The following CA10 variants were observed in gnomAD, a reference collection of about 807,000 sequenced individuals.
CA10 encodes carbonic anhydrase 10 (inactive).
CA10 carries 14 observed loss-of-function variants against 44.2 expected under a neutral mutation model. The observed-to-expected ratio is 0.32, with a 90% CI of 0.21 to 0.50. CA10 has a LOEUF of 0.50. Among genes scored for constraint, CA10 ranks in the 20% least tolerant of loss-of-function variants. The pLI, the probability that CA10 is intolerant of heterozygous loss-of-function variation, is 0.99. For missense variants in CA10, 350 were observed against 409.7 expected (o/e 0.85, Z 1.26); for synonymous variants, 159 against 141.6 (o/e 1.12, Z -0.87).
At chr17:51,668,893 C>T (rs1914307047) in intron 4 of CA10, among the ~76,000 whole-genome samples, 1 of 152,222 alleles carries the variant, frequency 6.6e-6, no homozygotes, top group Non-Finnish European at 1.5e-5. Context: ...AGGCCCTGGG[C>T]AGTGAGGGGC....
chr17:51,949,214 C>T (rs1352089335), intron 2 of CA10, among the ~76,000 whole-genome samples: 1 of 152,112 alleles, frequency 6.6e-6, no homozygotes, highest in African/African-American at 2.4e-5. Context: ...ATGTCTTTGT[C>T]ACAATTTGAA....
At chr17:51,984,324 C>T (rs1984754150) in intron 2 of CA10, among the ~76,000 whole-genome samples, 1 of 151,734 alleles carries the variant, frequency 6.6e-6, no homozygotes, top group African/African-American at 2.4e-5. Context: ...AATAATGACA[C>T]AACCTACCAA....
intron 4 of CA10, among the ~76,000 whole-genome samples, chr17:51,726,540 A>G (rs1295486561): frequency 6.6e-6 from 1 of 152,218 alleles, no homozygotes; most frequent in Non-Finnish European, 1.5e-5. Flanking sequence ...AAAACATGTT[A>G]TACACCAAAA....
intron 3 of CA10, among the ~76,000 whole-genome samples, chr17:51,842,143 C>A (rs1361631719): frequency 6.6e-6 from 1 of 152,134 alleles, no homozygotes; most frequent in Non-Finnish European, 1.5e-5. Context: ...AGAGGGCCTA[C>A]CTGAACAAAA....
intron 2 of CA10, among the ~76,000 whole-genome samples, chr17:51,989,479 T>C (rs953144626): frequency 1.3e-5 from 2 of 152,042 alleles, no homozygotes; most frequent in Admixed American, 6.6e-5. Context: ...TATAAATTAT[T>C]CTACTATAAA....
intron 6 of CA10, among the ~76,000 whole-genome samples, chr17:51,641,564 T>G (rs2106334): frequency 0.69 from 105,506 of 151,990 alleles, 36,956 homozygotes; most frequent in South Asian, 0.8. Context: ...TATGTGTGTA[T>G]TTTATCACCC....
intron 3 of CA10, among the ~76,000 whole-genome samples, chr17:51,771,560 G>C (rs1905614513): frequency 6.6e-6 from 1 of 152,146 alleles, no homozygotes; most frequent in South Asian, 2.1e-4. Flanking sequence ...GATTTTCCAT[G>C]AAACTCAGTA....
chr17:51,978,907 G>A (rs1014195112), intron 2 of CA10, among the ~76,000 whole-genome samples: 8 of 152,024 alleles, frequency 5.3e-5, no homozygotes, highest in African/African-American at 1.9e-4. Context: ...CCTTTCCATA[G>A]TAACTCAGTT....
chr17:51,741,516 T>C (rs1453556132), intron 4 of CA10, among the ~76,000 whole-genome samples: 1 of 152,224 alleles, frequency 6.6e-6, no homozygotes, highest in Non-Finnish European at 1.5e-5. Context: ...TGTATATTTC[T>C]GTATAGTGAA....
chr17:52,048,629 A>G (rs1855119802), intron 2 of CA10, among the ~76,000 whole-genome samples: 3 of 152,036 alleles, frequency 2.0e-5, no homozygotes, highest in Non-Finnish European at 4.4e-5. Flanking sequence ...TTCAACAGGC[A>G]GGTATAGGAG....
chr17:51,891,002 T>G (rs184175364), intron 3 of CA10, among the ~76,000 whole-genome samples: 21 of 152,270 alleles, frequency 1.4e-4, no homozygotes, highest in African/African-American at 4.8e-4. Flanking sequence ...TCAACAATAG[T>G]TCAGGAAAGA....
At chr17:51,852,500 G>A (rs1978841966) in intron 3 of CA10, among the ~76,000 whole-genome samples, 1 of 152,142 alleles carries the variant, frequency 6.6e-6, no homozygotes, top group African/African-American at 2.4e-5. Flanking sequence ...CATCATGGCA[G>A]TTAAGGTAGG....
intron 1 of CA10, among the ~76,000 whole-genome samples, chr17:52,082,949 G>C (rs1394979284): frequency 6.6e-6 from 1 of 151,610 alleles, no homozygotes; most frequent in Non-Finnish European, 1.5e-5. Context: ...TTTTGTAGTA[G>C]AGTGTATTTA....
At chr17:51,897,740 TGAG>T (rs1185496322) in intron 3 of CA10, among the ~76,000 whole-genome samples, 1 of 152,182 alleles carries the variant, frequency 6.6e-6, no homozygotes, top group Non-Finnish European at 1.5e-5. Context: ...CTGATTTCCT[TGAG>T]AAGTGTTTTG....
At chr17:51,723,436 G>A (rs182866367) in intron 4 of CA10, among the ~76,000 whole-genome samples, 1 of 152,272 alleles carries the variant, frequency 6.6e-6, no homozygotes, top group East Asian at 1.9e-4. Context: ...GTGAACACTT[G>A]GTAAGTGCTA....
intron 3 of CA10, among the ~76,000 whole-genome samples, chr17:51,891,299 T>C (rs1268292575): frequency 1.3e-5 from 2 of 152,072 alleles, no homozygotes; most frequent in African/African-American, 2.4e-5. Flanking sequence ...GATACCCAAA[T>C]AACTGTAATT....
chr17:52,042,995 A>G (rs573903982), intron 2 of CA10, among the ~76,000 whole-genome samples: 2 of 152,038 alleles, frequency 1.3e-5, no homozygotes, highest in East Asian at 2.0e-4. Flanking sequence ...TGATTACCAG[A>G]GCTTTGTAAT....
chr17:52,085,824 G>A (rs575325132), intron 1 of CA10, among the ~76,000 whole-genome samples: 33 of 152,240 alleles, frequency 2.2e-4, no homozygotes, highest in African/African-American at 7.5e-4. Flanking sequence ...TCTTGGTGAT[G>A]TTTGCCATGT....
chr17:51,835,746 A>C (rs1908453267), intron 3 of CA10, among the ~76,000 whole-genome samples: 1 of 152,218 alleles, frequency 6.6e-6, no homozygotes, highest in Non-Finnish European at 1.5e-5. Flanking sequence ...TTTATAAAAA[A>C]ATAACATATA....
Sources: gnomAD v4.1 joint callset for allele counts (sites outside exome capture counted in the v4.1 genomes callset) on GRCh38, gnomAD v4.1.1 for gene constraint, MANE v1.5 for transcripts, NCBI Gene and HGNC (gene_info 2026-07-23, HGNC 2026-07-21) for gene names.